Variants in RLF observed in about 807,000 individuals in gnomAD.
RLF encodes RLF zinc finger, also known as zinc finger protein Rlf.
RLF carries 7 observed loss-of-function variants against 162.9 expected under a neutral mutation model. The observed-to-expected ratio is 0.04, with a 90% CI of 0.02 to 0.08. The LOEUF (loss-of-function observed/expected upper bound fraction) is 0.08. Among genes scored for constraint, RLF ranks in the 10% least tolerant of loss-of-function variants. RLF has a pLI of 1.00. For synonymous variants in RLF, 782 were observed against 791.5 expected (o/e 0.99, Z 0.20); for missense variants, 1,664 against 2,244.7 (o/e 0.74, Z 5.23).
intron 1 of RLF, among the ~76,000 whole-genome samples, chr1:40,165,730 TTATAAA>T (rs905563218): frequency 2.6e-5 from 4 of 152,202 alleles, no homozygotes; most frequent in African/African-American, 9.7e-5. Flanking sequence ...TCTTTCTAAA[TTATAAA>T]TATAATCTTG....
chr1:40,163,826 C>G (rs1642129612), intron 1 of RLF, among the ~76,000 whole-genome samples: 1 of 152,136 alleles, frequency 6.6e-6, no homozygotes, highest in Non-Finnish European at 1.5e-5. Flanking sequence ...TTTATACAAT[C>G]AGAATAGAAA....
chr1:40,179,469 C>T (rs142864515), intron 1 of RLF, among the ~76,000 whole-genome samples: 23 of 151,774 alleles, frequency 1.5e-4, no homozygotes, highest in Non-Finnish European at 3.1e-4. Context: ...CAGCCCCCGT[C>T]GTCTTCCTTT....
At chr1:40,169,768 C>T (rs1379694108) in intron 1 of RLF, among the ~76,000 whole-genome samples, 1 of 149,232 alleles carries the variant, frequency 6.7e-6, no homozygotes, top group African/African-American at 2.5e-5. Flanking sequence ...TCTCGGCTCA[C>T]TGCAACCTCC....
chr1:40,226,001 A>G (rs769952650), intron 6 of RLF, among the ~76,000 whole-genome samples: 1 of 152,058 alleles, frequency 6.6e-6, no homozygotes, highest in Non-Finnish European at 1.5e-5. Context: ...TGATGAGCCA[A>G]GATCACACTG....
In RLF at chr1:40,161,776, A is replaced by C. The variant is rs1642088860; in HGVS notation, c.237+140A>C. 8.2e-7 allele frequency: 1 copy of C among 1,217,808 alleles called. No homozygotes were observed. Among genetic ancestry groups the C allele is most frequent in the African/African-American group, 1.6e-5 (1 of 63,600 alleles). 75.4% of individuals were successfully genotyped at this position (1,217,808 alleles called of 1,614,324 possible). A position where few individuals can be genotyped will look rare whatever the true frequency, so the allele number is the denominator to read the frequency against. On this transcript the variant is annotated intron_variant, in intron 1 of 7. Coordinates refer to ENST00000372771, the MANE Select transcript of RLF (RefSeq NM_012421.4). This position sits in a 1 kb window ranked among gnomAD's most constrained non-coding sequence, Gnocchi z 4.4. Reference sequence around the variant, plus strand: ...CCGCGCCCCCGGGCCGGGAAGGCCCAGCTCGGAAGCTCGACCGCTGGCCCC... The same window carrying C: ...CCGCGCCCCCGGGCCGGGAAGGCCCCGCTCGGAAGCTCGACCGCTGGCCCC...
At chr1:40,221,629 G>A (rs1283367771) in intron 5 of RLF, among the ~76,000 whole-genome samples, 10 of 151,274 alleles carry the variant, frequency 6.6e-5, no homozygotes, top group Admixed American at 2.0e-4. Context: ...GGCCGGGCAC[G>A]GTGGCTCACG....
intron 1 of RLF, among the ~76,000 whole-genome samples, chr1:40,171,077 A>G (rs1642237915): frequency 6.6e-6 from 1 of 152,168 alleles, no homozygotes; most frequent in Non-Finnish European, 1.5e-5. Flanking sequence ...CTCAGGCTAG[A>G]ATGCAGTGGT....
intron 2 of RLF, among the ~76,000 whole-genome samples, chr1:40,189,796 G>A (rs1316300181): frequency 6.6e-6 from 1 of 150,888 alleles, no homozygotes; most frequent in Admixed American, 6.6e-5. Flanking sequence ...AGTGGAGACT[G>A]TCTCAACAAC....
intron 3 of RLF, among the ~76,000 whole-genome samples, chr1:40,194,435 T>TC (rs762391542): frequency 4.9e-4 from 74 of 151,944 alleles, no homozygotes; most frequent in Admixed American, 4.9e-3. Context: ...GGTCAGGAGT[T>TC]CGAGACCAGC....
chr1:40,239,714 C>T lies in RLF; in HGVS notation c.5012C>T (p.Thr1671Ile). The T allele has an allele frequency of 1.2e-6, 2 of 1,614,150 alleles. No homozygotes were observed. Among genetic ancestry groups the T allele is most frequent in the South Asian group, 2.2e-5 (2 of 91,082 alleles). Residue 1671 changes from threonine (T) to isoleucine (I), a missense_variant, in exon 8 of 8, where the codon ACT becomes ATT. Around this residue, in one of 15 missense-constraint regions of RLF, gnomAD observed 327 missense variants for 342.7 expected, o/e 0.95. Transcript: ENST00000372771. Reference protein sequence around the residue: ...FDADTLLYRGTLKCNHSSKTT... With the variant: ...FDADTLLYRGILKCNHSSKTT... ...GCAGATACTCTGCTCTACAGGGGAACTTTGAAATGTAATCATAGTTCCAAA... is the reference window on the plus strand; with the variant it reads ...GCAGATACTCTGCTCTACAGGGGAATTTTGAAATGTAATCATAGTTCCAAA...
intron 5 of RLF, among the ~76,000 whole-genome samples, chr1:40,216,609 G>T (rs1318318829): frequency 6.6e-6 from 1 of 152,102 alleles, no homozygotes; most frequent in African/African-American, 2.4e-5. Context: ...CATCCACAGG[G>T]CCTCACTGTA....
intron 1 of RLF, among the ~76,000 whole-genome samples, chr1:40,168,004 T>C (rs1170427638): frequency 1.3e-5 from 2 of 150,602 alleles, no homozygotes; most frequent in African/African-American, 4.9e-5. Context: ...GAGGATCCCC[T>C]GAGCCCAGGA....
chr1:40,163,727 CTG>C (rs1642127846), intron 1 of RLF, among the ~76,000 whole-genome samples: 1 of 152,114 alleles, frequency 6.6e-6, no homozygotes, highest in South Asian at 2.1e-4. Flanking sequence ...TGGGTCTTGA[CTG>C]TGACTTTACC....
chr1:40,169,572 C>T (rs1443945714), intron 1 of RLF, among the ~76,000 whole-genome samples: 18 of 137,386 alleles, frequency 1.3e-4, no homozygotes, highest in Non-Finnish European at 2.2e-4. Flanking sequence ...GCCGAGATTG[C>T]GCCACTGCAG....
intron 1 of RLF, among the ~76,000 whole-genome samples, chr1:40,169,578 TGCAGTCC>T (rs1251800170): frequency 8.0e-6 from 1 of 124,226 alleles, no homozygotes; most frequent in South Asian, 2.6e-4. Flanking sequence ...ATTGCGCCAC[TGCAGTCC>T]GCAGTCCAGC....
chr1:40,168,534 C>T (rs905030725), intron 1 of RLF, among the ~76,000 whole-genome samples: 20 of 152,138 alleles, frequency 1.3e-4, no homozygotes, highest in African/African-American at 4.6e-4. Context: ...TGAGCCATTG[C>T]ACCCGGCCAA....
rs1643252973 is a variant in RLF at position 40,238,915 on chromosome 1, G to A, written c.4213G>A (p.Ala1405Thr). 1 of 1,614,212 alleles carries A rather than the reference G, an allele frequency of 6.2e-7. No individual in the cohort carries two copies. The highest frequency in any genetic ancestry group is 8.5e-7 in the Non-Finnish European group (1 of 1,180,028). The part of the protein sequence containing the change: ...PKVLSEAGSA[A>T]RFSCNQPQCP... Reference sequence around the variant, plus strand: ...AGTACTTTCCGAAGCTGGATCTGCAGCAAGGTTTTCTTGTAACCAGCCTCA... The same window carrying A: ...AGTACTTTCCGAAGCTGGATCTGCAACAAGGTTTTCTTGTAACCAGCCTCA... The change falls in exon 8 of 8, where the codon GCA (alanine) becomes ACA (threonine). Residue 1405 changes from alanine to threonine, a missense_variant. Physicochemically the swap from Ala to Thr is moderately conservative, Grantham distance 58 (BLOSUM62 0). Coordinates refer to ENST00000372771, the MANE Select transcript of RLF (RefSeq NM_012421.4). This position sits in a 1 kb window ranked among gnomAD's most constrained non-coding sequence, Gnocchi z 5.2.
intron 1 of RLF, among the ~76,000 whole-genome samples, chr1:40,165,115 T>C (rs928143497): frequency 6.6e-6 from 1 of 152,240 alleles, no homozygotes; most frequent in African/African-American, 2.4e-5. Flanking sequence ...AAATATCTAT[T>C]TTTAAAAATG....
At chr1:40,183,259 AT>A (rs967655661) in intron 1 of RLF, among the ~76,000 whole-genome samples, 2 of 152,214 alleles carry the variant, frequency 1.3e-5, no homozygotes, top group Non-Finnish European at 2.9e-5. Flanking sequence ...ATGCTGAGAA[AT>A]TTAAATAAAA....
Sources: gnomAD v4.1 joint callset for allele counts (sites outside exome capture counted in the v4.1 genomes callset) on GRCh38, gnomAD v4.1.1 for gene constraint, gnomAD v4.1.1 regional missense constraint, Gnocchi (gnomAD v3.1) non-coding constraint, MANE v1.5 for transcripts, NCBI Gene and HGNC (gene_info 2026-07-23, HGNC 2026-07-21) for gene names.